Variants in FHOD3 observed in about 807,000 individuals in gnomAD.
The protein encoded by FHOD3 is FH1/FH2 domain-containing protein 3.
Under a neutral mutation model 173.0 loss-of-function variants are expected in FHOD3, and 90 were observed. That is an observed-to-expected ratio of 0.52 (90% CI 0.44 to 0.62). FHOD3 has a LOEUF of 0.62. Among genes scored for constraint, FHOD3 ranks in the 20% least tolerant of loss-of-function variants. The probability of loss-of-function intolerance (pLI) is 0.00; values close to 1 mark genes in which losing one functional copy is unlikely to be tolerated. For synonymous variants in FHOD3, 828 were observed against 823.0 expected, an observed-to-expected ratio of 1.01 and a Z score of -0.10; for missense variants, 1,945 against 2,034.7, an observed-to-expected ratio of 0.96 and a Z score of 0.85.
At chr18:36,665,843 C>T (rs953431643) in intron 14 of FHOD3, among the ~76,000 whole-genome samples, 15 of 152,160 alleles carry the variant, frequency 9.9e-5, no homozygotes, top group African/African-American at 3.6e-4. Context: ...TGGCAGTCAG[C>T]GCTTTGGGAA....
intron 3 of FHOD3, among the ~76,000 whole-genome samples, chr18:36,491,376 C>T (rs1351812222): frequency 1.3e-5 from 2 of 152,188 alleles, no homozygotes; most frequent in African/African-American, 4.8e-5. Context: ...GAATGTGATA[C>T]ATTTGTTATA....
chr18:36,610,465 G>A (rs2032560326), intron 8 of FHOD3, among the ~76,000 whole-genome samples: 1 of 152,200 alleles, frequency 6.6e-6, no homozygotes, highest in South Asian at 2.1e-4. Flanking sequence ...GCTGTCATAC[G>A]TGGCGTGGCG....
intron 1 of FHOD3, among the ~76,000 whole-genome samples, chr18:36,322,275 A>T (rs959084066): frequency 1.3e-5 from 2 of 152,162 alleles, no homozygotes; most frequent in African/African-American, 4.8e-5. Flanking sequence ...GGAGGCCTGG[A>T]GGTGGGCCTT....
At chr18:36,333,737 A>C (rs1434568148) in intron 1 of FHOD3, among the ~76,000 whole-genome samples, 1 of 152,108 alleles carries the variant, frequency 6.6e-6, no homozygotes, top group Non-Finnish European at 1.5e-5. Flanking sequence ...ACCCCTCCTA[A>C]CCTATTAATC....
intron 4 of FHOD3, 113 bp from the exon 5 acceptor site, chr18:36,512,325 A>C: frequency 1.3e-6 from 1 of 753,080 alleles, no homozygotes; most frequent in Non-Finnish European, 2.3e-6. Context: ...CAGCAGAGCA[A>C]TCTGTAGGGT....
At chr18:36,610,906 C>A (rs531484591) in intron 8 of FHOD3, among the ~76,000 whole-genome samples, 12 of 152,352 alleles carry the variant, frequency 7.9e-5, no homozygotes, top group Admixed American at 4.6e-4. Context: ...TGTCTTCAGT[C>A]GCTTCCTGTT....
At chr18:36,741,116 A>G (rs556341298) in intron 21 of FHOD3, among the ~76,000 whole-genome samples, 8 of 152,200 alleles carry the variant, frequency 5.3e-5, no homozygotes, top group Non-Finnish European at 8.8e-5. Flanking sequence ...TTCAGATCCT[A>G]TATTCTCATT....
At chr18:36,591,037 C>T (rs1003220087) in intron 6 of FHOD3, among the ~76,000 whole-genome samples, 2 of 152,140 alleles carry the variant, frequency 1.3e-5, no homozygotes, top group Non-Finnish European at 1.5e-5. Context: ...AATAATAGTC[C>T]ACCCACTGAG....
rs184834889 is a variant in FHOD3 at position 36,479,545 on chromosome 18, A to G, written c.338-22387A>G. Among the ~76,000 whole-genome samples the G allele has an allele frequency of 7.2e-5, 11 of 152,322 alleles. No individual in the cohort carries two copies. In the East Asian group the frequency reaches 1.5e-3, roughly 21 times the overall value. ...GCCTTGCATCTGTCCTAACAGTAGC[A>G]TGTAAGGAACATTCAGTTGCTCAGG... On this transcript the variant is annotated intron_variant, in intron 3 of 28. Coordinates refer to ENST00000590592, the MANE Select transcript of FHOD3 (RefSeq NM_001281740.3).
chr18:36,360,490 A>G (rs756394505), intron 2 of FHOD3, among the ~76,000 whole-genome samples: 5 of 152,160 alleles, frequency 3.3e-5, no homozygotes, highest in Admixed American at 6.5e-5. Context: ...CCATGTGTCT[A>G]TGTGAGGCTG....
intron 14 of FHOD3, among the ~76,000 whole-genome samples, chr18:36,662,025 T>A (rs2036844754): frequency 6.6e-6 from 1 of 152,256 alleles, no homozygotes; most frequent in Non-Finnish European, 1.5e-5. Flanking sequence ...AATTTCTAAA[T>A]GTTTTCTTTG....
At chr18:36,424,436 G>A (rs1050012631) in intron 3 of FHOD3, among the ~76,000 whole-genome samples, 3 of 151,954 alleles carry the variant, frequency 2.0e-5, no homozygotes, top group Non-Finnish European at 4.4e-5. Flanking sequence ...TGGGTTTATT[G>A]TTCATGTTTA....
chr18:36,389,658 C>T (rs148388012), intron 3 of FHOD3, among the ~76,000 whole-genome samples: 98 of 152,192 alleles, frequency 6.4e-4, no homozygotes, highest in Non-Finnish European at 6.9e-4. Flanking sequence ...CCTAAAATGA[C>T]GTAATATGGA....
intron 9 of FHOD3, among the ~76,000 whole-genome samples, chr18:36,622,845 A>G (rs190211238): frequency 6.6e-6 from 1 of 152,348 alleles, no homozygotes. Context: ...TAGCATGTGC[A>G]AACAAAGCCT....
intron 3 of FHOD3, among the ~76,000 whole-genome samples, chr18:36,469,649 A>G (rs1160779167): frequency 2.0e-5 from 3 of 152,180 alleles, no homozygotes; most frequent in African/African-American, 4.8e-5. Context: ...TGGCACAAAA[A>G]TAACTTGGCA....
At chr18:36,684,390 A>G (rs2038460899) in intron 15 of FHOD3, among the ~76,000 whole-genome samples, 2 of 152,192 alleles carry the variant, frequency 1.3e-5, no homozygotes, top group Admixed American at 6.5e-5. Flanking sequence ...GCTAACCACA[A>G]AGGACATAGA....
chr18:36,341,969 T>C (rs2045645865), intron 1 of FHOD3, among the ~76,000 whole-genome samples: 1 of 152,148 alleles, frequency 6.6e-6, no homozygotes, highest in South Asian at 2.1e-4. Flanking sequence ...TCTGAAACAA[T>C]TGTGATAAAT....
intron 28 of FHOD3, among the ~76,000 whole-genome samples, chr18:36,770,496 C>T (rs559573300): frequency 1.3e-4 from 20 of 152,308 alleles, no homozygotes; most frequent in Non-Finnish European, 2.4e-4. Context: ...TGGTCCCCTG[C>T]TCCTTTCCTA....
At chr18:36,494,349 C>T (rs566645842) in intron 3 of FHOD3, among the ~76,000 whole-genome samples, 86 of 152,224 alleles carry the variant, frequency 5.6e-4, no homozygotes, top group African/African-American at 1.8e-3. Context: ...GGACATAGTT[C>T]ATTTTAAAAG....
Sources: allele counts gnomAD v4.1 joint callset (sites outside exome capture counted in the v4.1 genomes callset), GRCh38; gene constraint gnomAD v4.1.1; transcripts MANE v1.5; gene names NCBI Gene and HGNC (gene_info 2026-07-23, HGNC 2026-07-21).